NCOA1: variants seen among roughly 807,000 people sequenced by gnomAD.
The protein encoded by NCOA1 is nuclear receptor coactivator 1, also known as Hin-2 protein.
NCOA1 carries 35 observed loss-of-function variants against 150.9 expected under a neutral mutation model. The ratio of observed to expected loss-of-function variants is 0.23; its 90% confidence interval spans 0.18 to 0.31. NCOA1 has a LOEUF of 0.31. Among genes scored for constraint, NCOA1 ranks in the 10% least tolerant of loss-of-function variants. The probability of loss-of-function intolerance (pLI) is 1.00; values close to 1 mark genes in which losing one functional copy is unlikely to be tolerated. For synonymous variants in NCOA1, 590 were observed against 630.0 expected (o/e 0.94, Z 0.95); for missense variants, 1,491 against 1,749.3 (o/e 0.85, Z 2.63).
At chr2:24,742,225 A>C (rs1403449492) in intron 19 of NCOA1, 39 bp downstream of exon 19, 1 of 1,565,908 alleles carries the variant, frequency 6.4e-7, no homozygotes, top group Non-Finnish European at 8.7e-7. Flanking sequence ...TAAGTAATCC[A>C]TACAGGCTTA....
chr2:24,577,855 C>T (rs543245709), intron 2 of NCOA1, among the ~76,000 whole-genome samples: 1 of 152,244 alleles, frequency 6.6e-6, no homozygotes, highest in Admixed American at 6.5e-5. Flanking sequence ...CTTTTTATTT[C>T]AGTGCTTTGA....
intron 8 of NCOA1, among the ~76,000 whole-genome samples, chr2:24,690,674 A>T (rs1243956545): frequency 6.7e-6 from 1 of 149,774 alleles, no homozygotes; most frequent in African/African-American, 2.5e-5. Flanking sequence ...AAAAAAAAAA[A>T]AAAAGGCAGT....
chr2:24,675,582 G>C (rs563946891), intron 7 of NCOA1, among the ~76,000 whole-genome samples: 4 of 152,126 alleles, frequency 2.6e-5, no homozygotes, highest in African/African-American at 9.7e-5. Flanking sequence ...AAAGATGATC[G>C]TAGTTAAAAA....
chr2:24,766,279 T>C (rs967251855), intron 22 of NCOA1, among the ~76,000 whole-genome samples: 1 of 152,232 alleles, frequency 6.6e-6, no homozygotes, highest in African/African-American at 2.4e-5. Context: ...TCAAGAACTT[T>C]TTAAGAATTT....
At chr2:24,752,395 A>G (rs1664297437) in intron 20 of NCOA1, among the ~76,000 whole-genome samples, 1 of 152,246 alleles carries the variant, frequency 6.6e-6, no homozygotes, top group African/African-American at 2.4e-5. Context: ...TTCACAGGCT[A>G]AGTAGAAGAT....
At chr2:24,575,294 T>C (rs1353596754) in intron 2 of NCOA1, among the ~76,000 whole-genome samples, 2 of 152,190 alleles carry the variant, frequency 1.3e-5, no homozygotes, top group African/African-American at 4.8e-5. Context: ...TTTTGTATTT[T>C]TAATTTCTAG....
intron 19 of NCOA1, among the ~76,000 whole-genome samples, chr2:24,749,054 C>G (rs1664084000): frequency 6.6e-6 from 1 of 152,218 alleles, no homozygotes; most frequent in East Asian, 1.9e-4. Flanking sequence ...GAACACAGTG[C>G]TAGCATTAAA....
intron 3 of NCOA1, among the ~76,000 whole-genome samples, chr2:24,607,815 A>T (rs951303880): frequency 6.6e-6 from 1 of 152,202 alleles, no homozygotes; most frequent in African/African-American, 2.4e-5. Context: ...AAGAGTTTAC[A>T]TAAGACTGAA....
chr2:24,610,372 A>C (rs980348560), intron 3 of NCOA1, among the ~76,000 whole-genome samples: 2 of 151,296 alleles, frequency 1.3e-5, no homozygotes, highest in African/African-American at 4.9e-5. Flanking sequence ...TGATCTTCTG[A>C]CCTCGTAATC....
chr2:24,548,901 A>G (rs370187799), intron 1 of NCOA1, among the ~76,000 whole-genome samples: 1 of 152,174 alleles, frequency 6.6e-6, no homozygotes, highest in African/African-American at 2.4e-5. Context: ...AGTGCCTGCA[A>G]CTTTTCCAGG....
At position 24,592,789 on chromosome 2, in the gene NCOA1, A is replaced by C. The variant is rs1322001939; in HGVS notation, c.-175+8229A>C. On this transcript the variant is annotated intron_variant, in intron 3 of 22. Coordinates refer to ENST00000348332, the MANE Select transcript of NCOA1 (RefSeq NM_003743.5). ...TTAGGGAGCACTTTGCATAAAGTGA[A>C]ATGTTCTCTGTTCCCACTGAAGTAG... Among the ~76,000 whole-genome samples, 4 of 151,960 alleles carry C rather than the reference A, an allele frequency of 2.6e-5. 1 individual carries two copies. Among genetic ancestry groups the C allele is most frequent in the African/African-American group, 9.7e-5 (4 of 41,362 alleles).
chr2:24,522,345 A>G (rs977048801), intron 1 of NCOA1, among the ~76,000 whole-genome samples: 2 of 152,242 alleles, frequency 1.3e-5, no homozygotes, highest in Non-Finnish European at 2.9e-5. Context: ...CCTAAAGAAT[A>G]GAGTCATTCA....
At chr2:24,764,727 A>T (rs374547558) in intron 22 of NCOA1, among the ~76,000 whole-genome samples, 1 of 152,260 alleles carries the variant, frequency 6.6e-6, no homozygotes, top group African/African-American at 2.4e-5. Context: ...ATTCAACCCT[A>T]TGGACAGAAG....
intron 20 of NCOA1, among the ~76,000 whole-genome samples, chr2:24,754,778 C>G (rs995892409): frequency 2.0e-5 from 3 of 152,156 alleles, no homozygotes; most frequent in African/African-American, 7.2e-5. Flanking sequence ...TGTATTACTT[C>G]TGTTTCTCCA....
At chr2:24,704,408 G>A (rs1419338455) in intron 11 of NCOA1, among the ~76,000 whole-genome samples, 1 of 152,164 alleles carries the variant, frequency 6.6e-6, no homozygotes, top group Non-Finnish European at 1.5e-5. Context: ...TACTGAGAGT[G>A]AGAGGGGAGA....
intron 4 of NCOA1, among the ~76,000 whole-genome samples, chr2:24,645,922 A>G (rs1286470658): frequency 6.6e-6 from 1 of 152,168 alleles, no homozygotes; most frequent in East Asian, 1.9e-4. Context: ...ATAAAGAGAA[A>G]TTTTAATTAA....
chr2:24,499,733 T>C (rs1299352352), intron 1 of NCOA1, among the ~76,000 whole-genome samples: 1 of 152,220 alleles, frequency 6.6e-6, no homozygotes, highest in Non-Finnish European at 1.5e-5. Context: ...TTTACTGATT[T>C]ATTTATGCCT....
At chr2:24,766,067 A>C (rs1324415624) in intron 22 of NCOA1, among the ~76,000 whole-genome samples, 3 of 151,696 alleles carry the variant, frequency 2.0e-5, no homozygotes, top group African/African-American at 7.3e-5. Context: ...CACCCAGCTA[A>C]TTTTTTTATT....
chr2:24,750,613 C>G (rs984506620), intron 19 of NCOA1, among the ~76,000 whole-genome samples: 7 of 152,122 alleles, frequency 4.6e-5, no homozygotes, highest in Admixed American at 3.9e-4. Context: ...CATGAAATTT[C>G]CCCCCAAAAA....
Sources: allele counts gnomAD v4.1 joint callset (sites outside exome capture counted in the v4.1 genomes callset), GRCh38; gene constraint gnomAD v4.1.1; transcripts MANE v1.5; gene names NCBI Gene and HGNC (gene_info 2026-07-23, HGNC 2026-07-21).